The following ME2 variants were observed in gnomAD, a reference collection of about 807,000 sequenced individuals.
The protein encoded by ME2 is NAD-dependent malic enzyme, mitochondrial.
In ME2, 60 loss-of-function variants were observed where a neutral mutation model predicts 73.7. That is an observed-to-expected ratio of 0.81 (90% CI 0.66 to 1.01). The LOEUF is 1.01. Ranked by LOEUF, ME2 falls within the 50% of genes least tolerant of loss-of-function variation. ME2 has a pLI of 0.00. For synonymous variants in ME2, 199 were observed against 236.9 expected (o/e 0.84, Z 1.47); for missense variants, 594 against 705.5 (o/e 0.84, Z 1.79).
At chr18:50,888,947 T>C (rs1453651651) in intron 1 of ME2, among the ~76,000 whole-genome samples, 1 of 152,190 alleles carries the variant, frequency 6.6e-6, no homozygotes, top group Non-Finnish European at 1.5e-5. Flanking sequence ...TATATTCATA[T>C]AATTTGTAAA....
chr18:50,918,042 ATTTTTATT>A, intron 6 of ME2, 60 bp from the exon 7 acceptor site: 1 of 997,706 alleles, frequency 1.0e-6, no homozygotes, highest in Non-Finnish European at 1.4e-6. Flanking sequence ...TTATTTTGCA[ATTTTTATT>A]GTATGTGTTT....
At chr18:50,944,052 A>G (rs529120873) in intron 15 of ME2, among the ~76,000 whole-genome samples, 111 of 151,928 alleles carry the variant, frequency 7.3e-4, no homozygotes, top group Non-Finnish European at 1.2e-3. Context: ...TCTCATCTCT[A>G]CCAAAAAAAA....
intron 13 of ME2, chr18:50,933,630 A>G (rs1347601692): frequency 1.3e-5 from 2 of 152,058 alleles, no homozygotes; most frequent in Non-Finnish European, 1.5e-5. Context: ...GAAAGGAAAT[A>G]CTTTTCTGCT....
chr18:50,904,255 A>G (rs1206258138), intron 2 of ME2, among the ~76,000 whole-genome samples: 2 of 150,752 alleles, frequency 1.3e-5, no homozygotes, highest in African/African-American at 4.9e-5. Flanking sequence ...ACAGCATATA[A>G]TTGGATTATG....
intron 3 of ME2, among the ~76,000 whole-genome samples, chr18:50,909,061 C>T (rs1917086894): frequency 1.3e-5 from 2 of 151,584 alleles, no homozygotes; most frequent in African/African-American, 4.9e-5. Flanking sequence ...TCAAGCAGTT[C>T]TCCTACCTCA....
At chr18:50,938,652 A>G (rs1478288805) in intron 13 of ME2, among the ~76,000 whole-genome samples, 1 of 152,204 alleles carries the variant, frequency 6.6e-6, no homozygotes. Context: ...AAACTAGGAA[A>G]AGTTGTATTT....
Position 50,952,442 on chromosome 18 carries a change from G to C in ME2, c.*5258G>C, listed in dbSNP as rs999516583. 1 of 152,076 alleles carries C rather than the reference G, an allele frequency of 6.6e-6. No individual in the cohort carries two copies. The highest frequency in any genetic ancestry group is 1.5e-5 in the Non-Finnish European group (1 of 67,994). The allele number at this position is 152,076 out of a possible 1,614,324, so 9.4% of individuals were successfully genotyped here. A position where few individuals can be genotyped will look rare whatever the true frequency, so the allele number is the denominator to read the frequency against. ...TAAGGAAAATTGTGCATCTCAAAGA[G>C]AAAAGTAAATATGGAAATATGTTCA... On this transcript the variant is annotated 3_prime_UTR_variant, in exon 16 of 16. Coordinates refer to ENST00000321341, the MANE Select transcript of ME2 (RefSeq NM_002396.5).
At chr18:50,906,671 G>A (rs555804829) in intron 2 of ME2, among the ~76,000 whole-genome samples, 1 of 152,284 alleles carries the variant, frequency 6.6e-6, no homozygotes, top group Non-Finnish European at 1.5e-5. Flanking sequence ...GTCTCTGATT[G>A]GTTAGTTTTG....
chr18:50,912,764 G>C (rs929647107), intron 3 of ME2, 37 bp from the exon 4 acceptor site: 1 of 1,443,748 alleles, frequency 6.9e-7, no homozygotes, highest in Non-Finnish European at 9.2e-7. Flanking sequence ...ATGTAATGCA[G>C]GCTGACTTAG....
chr18:50,942,894 C>T (rs779057250), intron 15 of ME2, among the ~76,000 whole-genome samples: 19 of 151,530 alleles, frequency 1.3e-4, no homozygotes, highest in African/African-American at 3.9e-4. Flanking sequence ...ATGCATAGTC[C>T]GTTTTTCTCT....
chr18:50,889,224 T>C (rs1468017628), intron 1 of ME2, among the ~76,000 whole-genome samples: 2 of 152,146 alleles, frequency 1.3e-5, no homozygotes, highest in African/African-American at 4.8e-5. Context: ...TCACCTGAGG[T>C]GACTTAGGGT....
chr18:50,916,019 G>A (rs903682567), intron 4 of ME2, 149 bp from the exon 5 acceptor site: 1 of 579,076 alleles, frequency 1.7e-6, no homozygotes, highest in African/African-American at 1.9e-5. Context: ...GAAAATGTTT[G>A]AAAATAAACC....
Position 50,920,565 on chromosome 18 carries a change from G to C in ME2, c.844G>C (p.Gly282Arg), listed in dbSNP as rs1437772524. The change falls in exon 8 of 16, where the codon GGG (glycine) becomes CGG (arginine). Residue 282 changes from glycine to arginine, a missense_variant and splice_region_variant. Transcript: ENST00000321341. ...KYCTFNDDIQ[G>R]TAAVALAGLL... ...TTGTACTTTCAATGATGATATTCAA[G>C]GTAAAGCAAAAAAACTTCAGGGTTT... 1.3e-6 allele frequency: 2 copies of C among 1,577,782 alleles called. No individual in the cohort carries two copies. The highest frequency in any genetic ancestry group is 2.3e-5 in the East Asian group (1 of 44,394).
At chr18:50,893,879 C>T (rs1282702894) in intron 1 of ME2, among the ~76,000 whole-genome samples, 1 of 152,192 alleles carries the variant, frequency 6.6e-6, no homozygotes, top group Non-Finnish European at 1.5e-5. Flanking sequence ...CTTGGCCTGG[C>T]TACCTGTACA....
rs1918201151 is a variant in ME2 at position 50,950,491 on chromosome 18, T to TTTTTTTTTTTTTC, written c.*3311_*3312insTTTTTTTTCTTTT. On this transcript the variant is annotated 3_prime_UTR_variant, in exon 16 of 16. Transcript: ENST00000321341. The stretch of plus-strand genomic sequence containing the variant: ...GCTTTTTTTTTTTTTTTTTTTTTTT[T>TTTTTTTTTTTTTC]TTTTAAACAGGGTCTCTTTCTTTTT... 1 of 142,566 alleles carries TTTTTTTTTTTTTC rather than the reference T, an allele frequency of 7.0e-6. No individual in the cohort carries two copies. The highest frequency in any genetic ancestry group is 2.7e-5 in the African/African-American group (1 of 37,482). The allele number at this position is 142,566 out of a possible 1,614,324, so 8.8% of individuals were successfully genotyped here.
intron 1 of ME2, among the ~76,000 whole-genome samples, chr18:50,880,576 G>T (rs1916294199): frequency 6.6e-6 from 1 of 152,154 alleles, no homozygotes; most frequent in Non-Finnish European, 1.5e-5. Context: ...TCACCTGAGG[G>T]CAGCTAATTT....
intron 10 of ME2, among the ~76,000 whole-genome samples, chr18:50,923,618 G>GGTGT (rs888611309): frequency 4.5e-4 from 68 of 152,190 alleles, no homozygotes; most frequent in African/African-American, 1.6e-3. Context: ...CGGGCATGGT[G>GGTGT]GTGTGTGCCC....
chr18:50,926,620 C>T (rs2144247511), intron 12 of ME2, among the ~76,000 whole-genome samples: 1 of 152,256 alleles, frequency 6.6e-6, no homozygotes, highest in East Asian at 1.9e-4. Context: ...TCTCTCTCAT[C>T]TTATGGGACT....
At chr18:50,918,320 C>A in intron 7 of ME2, 107 bp downstream of exon 7, 2 of 604,568 alleles carry the variant, frequency 3.3e-6, no homozygotes, top group Non-Finnish European at 5.6e-6. Flanking sequence ...TGTAGATAAG[C>A]AGGAGGCGAT....
Sources: allele counts gnomAD v4.1 joint callset (sites outside exome capture counted in the v4.1 genomes callset), GRCh38; gene constraint gnomAD v4.1.1; transcripts MANE v1.5; gene names NCBI Gene and HGNC (gene_info 2026-07-23, HGNC 2026-07-21).